Variants in IMMP2L observed in about 807,000 individuals in gnomAD.
The protein encoded by IMMP2L is inner mitochondrial membrane peptidase subunit 2.
IMMP2L carries 18 observed loss-of-function variants against 19.3 expected under a neutral mutation model. The observed-to-expected ratio is 0.93, with a 90% CI of 0.64 to 1.38. IMMP2L has a LOEUF of 1.38. IMMP2L is among the 40% of genes most tolerant of loss of function. IMMP2L has a pLI of 0.00. For missense variants in IMMP2L, 233 were observed against 218.2 expected (o/e 1.07, Z -0.43); for synonymous variants, 76 against 73.0 (o/e 1.04, Z -0.21).
chr7:111,461,936 A>C (rs887782663), intron 3 of IMMP2L, among the ~76,000 whole-genome samples: 3 of 152,150 alleles, frequency 2.0e-5, no homozygotes, highest in South Asian at 4.1e-4. Context: ...AAAGTAGGCT[A>C]TAAGATTGTT....
At chr7:110,788,895 T>C (rs1257353414) in intron 5 of IMMP2L, among the ~76,000 whole-genome samples, 4 of 151,842 alleles carry the variant, frequency 2.6e-5, no homozygotes, top group Admixed American at 6.6e-5. Flanking sequence ...TCTCATTCCA[T>C]AGAGAATAGT....
chr7:111,424,427 A>G (rs914676235), intron 3 of IMMP2L, among the ~76,000 whole-genome samples: 3 of 151,830 alleles, frequency 2.0e-5, no homozygotes, highest in Admixed American at 6.6e-5. Flanking sequence ...AGAGACTACA[A>G]GTAATTAACA....
At chr7:110,724,790 A>G (rs536726394) in intron 5 of IMMP2L, among the ~76,000 whole-genome samples, 1 of 152,298 alleles carries the variant, frequency 6.6e-6, no homozygotes, top group East Asian at 1.9e-4. Flanking sequence ...CAAGAACTAA[A>G]CTAAACCTCC....
At chr7:110,745,659 T>A (rs1229608624) in intron 5 of IMMP2L, among the ~76,000 whole-genome samples, 3 of 152,134 alleles carry the variant, frequency 2.0e-5, no homozygotes, top group Admixed American at 2.0e-4. Flanking sequence ...CTAAGCTTCA[T>A]AAGTGAAGGA....
intron 3 of IMMP2L, among the ~76,000 whole-genome samples, chr7:111,438,800 C>T (rs555065309): frequency 6.6e-6 from 1 of 151,764 alleles, no homozygotes; most frequent in Admixed American, 6.6e-5. Flanking sequence ...TCATTCTACA[C>T]CCCTAACACA....
chr7:110,911,604 C>T (rs1190041214), intron 4 of IMMP2L, among the ~76,000 whole-genome samples: 1 of 152,076 alleles, frequency 6.6e-6, no homozygotes, highest in Non-Finnish European at 1.5e-5. Flanking sequence ...GAGGCTGAAA[C>T]AGGAGTTTTG....
At chr7:111,498,072 C>G (rs569099060) in intron 2 of IMMP2L, among the ~76,000 whole-genome samples, 1 of 151,804 alleles carries the variant, frequency 6.6e-6, no homozygotes, top group Admixed American at 6.6e-5. Context: ...ATTTTTATAT[C>G]CTCTTATTAC....
intron 3 of IMMP2L, among the ~76,000 whole-genome samples, chr7:111,243,368 T>C (rs971533800): frequency 6.6e-6 from 1 of 152,080 alleles, no homozygotes; most frequent in Non-Finnish European, 1.5e-5. Context: ...TACTAGTAAA[T>C]TCCCAAGCTG....
At chr7:111,012,029 T>G (rs2129563760) in intron 3 of IMMP2L, among the ~76,000 whole-genome samples, 1 of 152,302 alleles carries the variant, frequency 6.6e-6, no homozygotes, top group South Asian at 2.1e-4. Context: ...ATGTCCATTT[T>G]CATCCCCCTG....
intron 3 of IMMP2L, among the ~76,000 whole-genome samples, chr7:111,262,202 A>G (rs188158260): frequency 9.0e-4 from 137 of 152,280 alleles, no homozygotes; most frequent in African/African-American, 3.2e-3. Flanking sequence ...ACAATCTATA[A>G]ACAAGATAAA....
chr7:110,684,674 A>C (rs932676996), intron 5 of IMMP2L, among the ~76,000 whole-genome samples: 2 of 151,944 alleles, frequency 1.3e-5, no homozygotes, highest in African/African-American at 4.8e-5. Flanking sequence ...GTGTAAATGA[A>C]ATGCTCACTG....
intron 3 of IMMP2L, among the ~76,000 whole-genome samples, chr7:110,981,007 T>C (rs1821240477): frequency 6.6e-6 from 1 of 152,330 alleles, no homozygotes; most frequent in South Asian, 2.1e-4. Context: ...AGCAATAAAA[T>C]CTTCCAAAAA....
At chr7:111,042,554 A>C (rs1168642319) in intron 3 of IMMP2L, among the ~76,000 whole-genome samples, 1 of 152,196 alleles carries the variant, frequency 6.6e-6, no homozygotes, top group East Asian at 1.9e-4. Flanking sequence ...GATAAACAAC[A>C]AGCTCAAGCT....
intron 4 of IMMP2L, among the ~76,000 whole-genome samples, chr7:110,914,313 T>C (rs1435350131): frequency 6.6e-6 from 1 of 152,226 alleles, no homozygotes; most frequent in Non-Finnish European, 1.5e-5. Context: ...ATCCATCAAA[T>C]GGAAAGTTTG....
chr7:111,461,646 A>C (rs1840145412), intron 3 of IMMP2L, among the ~76,000 whole-genome samples: 1 of 152,014 alleles, frequency 6.6e-6, no homozygotes, highest in Admixed American at 6.6e-5. Context: ...TATGTTCCTG[A>C]GTTTTCACTT....
chr7:111,423,189 G>A (rs1371387116), intron 3 of IMMP2L, among the ~76,000 whole-genome samples: 1 of 151,728 alleles, frequency 6.6e-6, no homozygotes, highest in African/African-American at 2.4e-5. Context: ...TTTTTGTTGT[G>A]TCTCTGCCAG....
At chr7:111,507,252 T>G (rs1435331093) in intron 2 of IMMP2L, among the ~76,000 whole-genome samples, 1 of 152,174 alleles carries the variant, frequency 6.6e-6, no homozygotes, top group Non-Finnish European at 1.5e-5. Context: ...ATAGTTTTAT[T>G]TTCCAACCCA....
chr7:111,539,146 A>C, intron 1 of IMMP2L, among the ~76,000 whole-genome samples: 1 of 38,900 alleles, frequency 2.6e-5, no homozygotes, highest in African/African-American at 1.3e-4. Flanking sequence ...GAAGGAAGGA[A>C]GGAAGGAAGG....
intron 5 of IMMP2L, among the ~76,000 whole-genome samples, chr7:110,853,767 G>T (rs928588452): frequency 6.6e-6 from 1 of 151,814 alleles, no homozygotes. Context: ...AAAGATAAAT[G>T]GTAAACATAA....
Sources: gnomAD v4.1 joint callset for allele counts (sites outside exome capture counted in the v4.1 genomes callset) on GRCh38, gnomAD v4.1.1 for gene constraint, MANE v1.5 for transcripts, NCBI Gene and HGNC (gene_info 2026-07-23, HGNC 2026-07-21) for gene names.